DAPK2: variants seen among roughly 807,000 people sequenced by gnomAD.
DAPK2 encodes death associated protein kinase 2, also known as death-associated protein kinase 2.
In DAPK2, 35 loss-of-function variants were observed where a neutral mutation model predicts 44.1. The observed-to-expected ratio is 0.79, with a 90% CI of 0.61 to 1.05. The LOEUF is 1.05. DAPK2 is among the 50% of genes least tolerant of loss of function. The probability of loss-of-function intolerance (pLI) is 0.00; values close to 1 mark genes in which losing one functional copy is unlikely to be tolerated. For missense variants in DAPK2, 453 were observed against 483.2 expected (o/e 0.94, Z 0.59); for synonymous variants, 174 against 182.6 (o/e 0.95, Z 0.38).
intron 1 of DAPK2, among the ~76,000 whole-genome samples, chr15:64,018,155 C>T (rs112177130): frequency 3.9e-5 from 6 of 152,318 alleles, no homozygotes; most frequent in South Asian, 2.1e-4. Context: ...TTTGATGAAA[C>T]CCAACTCTGA....
Position 63,908,518 on chromosome 15 carries a change from A to T in DAPK2, c.*2T>A, listed in dbSNP as rs1169595947. On this transcript the variant is annotated 3_prime_UTR_variant, in exon 11 of 11. Coordinates refer to ENST00000261891, the Ensembl canonical transcript of DAPK2. This position sits in a 1 kb window ranked among gnomAD's most constrained non-coding sequence, Gnocchi z 5.7. ...CCTGGCGGCCACTGCAGGTCAGGCC[A>T]GTTAGGAGGTGCTGCTCCTCCTCCG... 2 of 1,587,360 alleles carry T rather than the reference A, an allele frequency of 1.3e-6. No homozygotes were observed. Among genetic ancestry groups the T allele is most frequent in the African/African-American group, 2.7e-5 (2 of 74,552 alleles).
chr15:63,983,456 G>T, intron 2 of DAPK2, 77 bp downstream of exon 3: 2 of 1,386,560 alleles, frequency 1.4e-6, no homozygotes, highest in Non-Finnish European at 2.0e-6. Flanking sequence ...GCCCCCTGGG[G>T]CCTGTGGCTG....
intron 1 of DAPK2, among the ~76,000 whole-genome samples, chr15:64,008,314 GC>G (rs1309435558): frequency 1.3e-5 from 2 of 151,972 alleles, no homozygotes; most frequent in Non-Finnish European, 2.9e-5. Context: ...TCATATATTG[GC>G]CTCAGACAGT....
chr15:63,985,222 A>G (rs1034551915), intron 1 of DAPK2, among the ~76,000 whole-genome samples: 6 of 152,222 alleles, frequency 3.9e-5, no homozygotes, highest in African/African-American at 1.2e-4. Context: ...AGCCAAATTT[A>G]TCTTACATCG....
In DAPK2 at chr15:63,939,948, C is replaced by T. The variant is rs909268598; in HGVS notation, c.454-587G>A. 2.0e-5 allele frequency among the ~76,000 whole-genome samples: 3 copies of T among 152,238 alleles called. No homozygotes were observed. Among genetic ancestry groups the T allele is most frequent in the African/African-American group, 7.2e-5 (3 of 41,454 alleles). On this transcript the variant is annotated intron_variant, in intron 3 of 10. Coordinates refer to ENST00000261891, the Ensembl canonical transcript of DAPK2. The surrounding 1 kb of genome is among the most constrained non-coding windows in gnomAD (Gnocchi z 4.3). Reference sequence around the variant, plus strand: ...TCCTCAGCAGGACACAGGAAAAATGCACCCGATTTCCAGGGAAAATACCAG... The same window carrying T: ...TCCTCAGCAGGACACAGGAAAAATGTACCCGATTTCCAGGGAAAATACCAG...
intron 3 of DAPK2, among the ~76,000 whole-genome samples, chr15:63,944,119 G>A (rs1411233251): frequency 6.6e-6 from 1 of 152,124 alleles, no homozygotes; most frequent in Non-Finnish European, 1.5e-5. Context: ...GAAAACGGAG[G>A]TCCTGGCAGG....
intron 1 of DAPK2, among the ~76,000 whole-genome samples, chr15:64,039,717 C>T (rs141640095): frequency 2.0e-5 from 3 of 152,250 alleles, no homozygotes; most frequent in East Asian, 1.9e-4. Context: ...TGATGGGGCT[C>T]GTGTGGCTGG....
intron 1 of DAPK2, among the ~76,000 whole-genome samples, chr15:63,995,861 A>G (rs926035970): frequency 3.3e-5 from 5 of 152,210 alleles, no homozygotes; most frequent in African/African-American, 1.2e-4. Context: ...AGAGAGGCAA[A>G]GCATCTCTCC....
intron 1 of DAPK2, among the ~76,000 whole-genome samples, chr15:64,004,180 C>T (rs1160475208): frequency 6.6e-6 from 1 of 152,100 alleles, no homozygotes; most frequent in African/African-American, 2.4e-5. Flanking sequence ...GGTCTTTTGA[C>T]CTATACCATT....
In DAPK2 at chr15:63,929,497, T is replaced by C. The variant is rs1595728550; in HGVS notation, c.659+54A>G. 6 of 1,611,500 alleles carry C rather than the reference T, an allele frequency of 3.7e-6. No homozygotes were observed. In the East Asian group the frequency reaches 1.3e-4, roughly 36 times the overall value. On this transcript the variant is annotated intron_variant, in intron 6 of 10. Transcript: ENST00000261891. ...ATCAGCCTGCCCCTCTCTCATTCCTTCTGGTTCCCCCAGATCTAAGCTGAG... is the reference window on the plus strand; with the variant it reads ...ATCAGCCTGCCCCTCTCTCATTCCTCCTGGTTCCCCCAGATCTAAGCTGAG...
intron 3 of DAPK2, among the ~76,000 whole-genome samples, chr15:63,959,306 A>G (rs886707983): frequency 6.6e-6 from 1 of 152,172 alleles, no homozygotes; most frequent in African/African-American, 2.4e-5. Context: ...GCAAACAGGG[A>G]CAATTTGACT....
chr15:63,923,127 C>G lies in DAPK2; in HGVS notation c.858+1689G>C, dbSNP rs756693345. 5 of 1,535,926 alleles carry G rather than the reference C, an allele frequency of 3.3e-6. No homozygotes were observed. In the South Asian group the frequency reaches 4.8e-5, roughly 15 times the overall value. Reference sequence around the variant, plus strand: ...AAGATGGAGACCAGGGCCTCCACATCGTCCTGGATGGTATCGTGGGCCTCC... The same window carrying G: ...AAGATGGAGACCAGGGCCTCCACATGGTCCTGGATGGTATCGTGGGCCTCC... On this transcript the variant is annotated intron_variant, in intron 8 of 10. Transcript: ENST00000261891. The surrounding 1 kb of genome is among the most constrained non-coding windows in gnomAD (Gnocchi z 4.2).
chr15:64,014,942 AAC>A (rs2079483966), intron 1 of DAPK2, among the ~76,000 whole-genome samples: 3 of 151,744 alleles, frequency 2.0e-5, no homozygotes, highest in South Asian at 4.1e-4. Context: ...AAAAAAAAAA[AAC>A]ATTCTGACAT....
chr15:63,921,663 C>T (rs1019467496), intron 8 of DAPK2: 2 of 152,238 alleles, frequency 1.3e-5, no homozygotes, highest in African/African-American at 4.8e-5. Flanking sequence ...TTTCAAAAAC[C>T]CTCACGGAAC....
At chr15:63,924,403 C>A (rs1045509044) in intron 8 of DAPK2, 6 of 164,314 alleles carry the variant, frequency 3.7e-5, no homozygotes, top group Non-Finnish European at 8.0e-5. Flanking sequence ...CTTAGAGCCC[C>A]AAAAATCAGA....
intron 3 of DAPK2, among the ~76,000 whole-genome samples, chr15:63,948,419 C>G (rs777176527): frequency 6.6e-6 from 1 of 151,828 alleles, no homozygotes; most frequent in Non-Finnish European, 1.5e-5. Flanking sequence ...GCACATCTTA[C>G]CTGGCCAGAG....
chr15:63,943,034 G>A (rs1325248721), intron 3 of DAPK2, among the ~76,000 whole-genome samples: 2 of 151,620 alleles, frequency 1.3e-5, no homozygotes, highest in Non-Finnish European at 2.9e-5. Flanking sequence ...AGGACCCAGT[G>A]CTAAGCAAAC....
At chr15:63,988,162 A>G (rs2078716182) in intron 1 of DAPK2, among the ~76,000 whole-genome samples, 2 of 152,086 alleles carry the variant, frequency 1.3e-5, no homozygotes, top group Non-Finnish European at 2.9e-5. Context: ...TCAGCTCCTC[A>G]CTCACTCAGC....
chr15:63,978,208 T>C (rs1440944524), intron 2 of DAPK2, among the ~76,000 whole-genome samples: 1 of 152,168 alleles, frequency 6.6e-6, no homozygotes, highest in African/African-American at 2.4e-5. Context: ...TGTCCAGAGC[T>C]CTCTGCAAAT....
Sources: allele counts gnomAD v4.1 joint callset (sites outside exome capture counted in the v4.1 genomes callset), GRCh38; gene constraint gnomAD v4.1.1; non-coding constraint Gnocchi (gnomAD v3.1); transcripts MANE v1.5; gene names NCBI Gene and HGNC (gene_info 2026-07-23, HGNC 2026-07-21).